ADGRG4: variants seen among roughly 807,000 people sequenced by gnomAD.
ADGRG4 encodes adhesion G protein-coupled receptor G4.
ADGRG4 carries 122 observed loss-of-function variants against 126.2 expected under a neutral mutation model. The observed-to-expected ratio is 0.97, with a 90% CI of 0.83 to 1.12. ADGRG4 has a LOEUF of 1.12. ADGRG4 is among the 50% of genes most tolerant of loss of function. The probability of loss-of-function intolerance (pLI) is 0.00; values close to 1 mark genes in which losing one functional copy is unlikely to be tolerated. For synonymous variants in ADGRG4, 943 were observed against 838.7 expected (o/e 1.12, Z -2.15); for missense variants, 2,481 against 2,251.8 (o/e 1.10, Z -2.06).
chrX:136,367,886 T>C (rs1036480472), intron 13 of ADGRG4, among the ~76,000 whole-genome samples: 10 of 112,561 alleles, frequency 8.9e-5, no homozygotes, highest in African/African-American at 3.2e-4. Context: ...AAGGTACTTT[T>C]ATTTCAAAGT....
At position 136,363,591 on chromosome X, in the gene ADGRG4, T is replaced by C. The variant is rs1294915870; in HGVS notation, c.7392T>C (p.Ser2464=). 3 of 1,086,379 alleles carry C rather than the reference T, an allele frequency of 2.8e-6. No homozygotes were observed. Among genetic ancestry groups the C allele is most frequent in the South Asian group, 1.8e-5 (1 of 54,191 alleles). 89.5% of individuals were successfully genotyped at this position (1,086,379 alleles called of 1,213,427 possible). A position where few individuals can be genotyped will look rare whatever the true frequency, so the allele number is the denominator to read the frequency against. ...TGGATCTTGCTAATATTACCATAAG[T>C]GATGGTAAGATTGTTTTGTACATAT... ...KIVDLANITI[S]DENAEDVAEH... The change falls in exon 13 of 26, where the codon AGT becomes AGC. Residue 2464 remains serine, a synonymous_variant. Coordinates refer to ENST00000394143, the MANE Select transcript of ADGRG4 (RefSeq NM_153834.4).
intron 18 of ADGRG4, 83 bp from the exon 19 acceptor site, chrX:136,395,307 C>T (rs1219344753): frequency 9.4e-6 from 5 of 529,509 alleles, no homozygotes; most frequent in Admixed American, 8.7e-5. Context: ...TTATAACACA[C>T]GTTTGGATAG....
At chrX:136,390,915 A>G (rs2075316156) in intron 16 of ADGRG4, among the ~76,000 whole-genome samples, 1 of 110,561 alleles carries the variant, frequency 9.0e-6, no homozygotes, top group African/African-American at 3.3e-5. Context: ...AAGGGGTAAT[A>G]GGGCTTAGGA....
chrX:136,385,372 T>TA (rs759300835), intron 15 of ADGRG4, among the ~76,000 whole-genome samples: 65 of 112,289 alleles, frequency 5.8e-4, no homozygotes, highest in Middle Eastern at 4.7e-3. Context: ...ATGTATCCCG[T>TA]AATATTATGT....
At chrX:136,334,078 T>TTCTC (rs1490460718) in intron 5 of ADGRG4, among the ~76,000 whole-genome samples, 5 of 2,565 alleles carry the variant, frequency 1.9e-3, no homozygotes, top group Non-Finnish European at 2.5e-3. Flanking sequence ...TTCTCTCTCT[T>TTCTC]TCTTTCTTTC....
At chrX:136,380,908 G>A (rs961335949) in intron 15 of ADGRG4, among the ~76,000 whole-genome samples, 1 of 108,228 alleles carries the variant, frequency 9.2e-6, no homozygotes, top group Non-Finnish European at 1.9e-5. Flanking sequence ...TGTAAAGACA[G>A]GGTCTTTCTT....
chrX:136,357,751 A>G lies in ADGRG4; in HGVS notation c.6975A>G (p.Pro2325=), dbSNP rs549431322. Residue 2325 remains proline (P), a synonymous_variant, in exon 10 of 26, where the codon CCA becomes CCG. Coordinates refer to ENST00000394143, the MANE Select transcript of ADGRG4 (RefSeq NM_153834.4). ...AAATGGCTACAATTTCCTATGTACCATACAGGTAGGAAGTAGGAACTGAGT... is the reference window on the plus strand; with the variant it reads ...AAATGGCTACAATTTCCTATGTACCGTACAGGTAGGAAGTAGGAACTGAGT... ...GQEMATISYV[P]YSCVCQVIIK... is the part of the protein sequence containing the mutation. The G allele has an allele frequency of 1.8e-5, 21 of 1,161,677 alleles. No homozygotes were observed. Among genetic ancestry groups the G allele is most frequent in the Middle Eastern group, 2.4e-4 (1 of 4,214 alleles).
chrX:136,331,205 C>T (rs1452057381), intron 5 of ADGRG4, among the ~76,000 whole-genome samples: 1 of 112,155 alleles, frequency 8.9e-6, no homozygotes, highest in African/African-American at 3.2e-5. Flanking sequence ...AATAGTACTC[C>T]GTTGTGTATA....
At chrX:136,315,446 A>T (rs1034149262) in intron 4 of ADGRG4, among the ~76,000 whole-genome samples, 2 of 111,261 alleles carry the variant, frequency 1.8e-5, no homozygotes, top group Non-Finnish European at 3.8e-5. Context: ...CACTTCCAAG[A>T]TAAGGCAGAC....
intron 5 of ADGRG4, among the ~76,000 whole-genome samples, chrX:136,341,822 T>C (rs952730231): frequency 1.8e-5 from 2 of 111,826 alleles, no homozygotes; most frequent in Admixed American, 9.5e-5. Flanking sequence ...CACCTCAAAA[T>C]TTCTGGATAT....
chrX:136,367,321 C>T (rs2075165245), intron 13 of ADGRG4, among the ~76,000 whole-genome samples: 1 of 112,195 alleles, frequency 8.9e-6, no homozygotes, highest in South Asian at 3.7e-4. Context: ...AAGCACAGTT[C>T]TGATTATTTC....
At chrX:136,396,611 AG>A (rs199971548) in intron 19 of ADGRG4, among the ~76,000 whole-genome samples, 36 of 98,172 alleles carry the variant, frequency 3.7e-4, no homozygotes, top group African/African-American at 1.4e-3. Flanking sequence ...AAAAAAAAAA[AG>A]AGAGAGAGAG....
chrX:136,404,820 T>A (rs1312877597), intron 22 of ADGRG4, among the ~76,000 whole-genome samples: 1 of 112,021 alleles, frequency 8.9e-6, no homozygotes. Context: ...AATGTTTTTT[T>A]AACATGTTTG....
intron 24 of ADGRG4, 71 bp downstream of exon 24, chrX:136,412,437 C>T (rs897111488): frequency 6.1e-6 from 4 of 658,378 alleles, no homozygotes; most frequent in African/African-American, 4.3e-5. Flanking sequence ...AATTTGTCTC[C>T]TAACTTGAGT....
chrX:136,397,224 A>G lies in ADGRG4; in HGVS notation c.8185-657A>G, dbSNP rs763049066. On this transcript the variant is annotated intron_variant, in intron 19 of 25. Coordinates refer to ENST00000394143, the MANE Select transcript of ADGRG4 (RefSeq NM_153834.4). ...CAAAAATGTCTCCAGATACTGCCAA[A>G]TGTCCCTGGGAGAGGGGTAACATCA... 4.5e-5 allele frequency among the ~76,000 whole-genome samples: 5 copies of G among 111,559 alleles called. No individual in the cohort carries two copies. The South Asian group carries it at 1.9e-3, about 42-fold the overall frequency.
intron 5 of ADGRG4, among the ~76,000 whole-genome samples, chrX:136,341,771 A>G (rs973017650): frequency 6.3e-5 from 7 of 111,876 alleles, no homozygotes; most frequent in African/African-American, 2.3e-4. Context: ...CATTCATTCT[A>G]CTTGCTAATG....
At chrX:136,383,946 C>T (rs946331065) in intron 15 of ADGRG4, among the ~76,000 whole-genome samples, 7 of 90,275 alleles carry the variant, frequency 7.8e-5, no homozygotes, top group Non-Finnish European at 1.4e-4. Flanking sequence ...GGTTGGAGTG[C>T]AGTGGCACAA....
At chrX:136,341,142 A>G (rs980805724) in intron 5 of ADGRG4, among the ~76,000 whole-genome samples, 2 of 111,909 alleles carry the variant, frequency 1.8e-5, no homozygotes, top group African/African-American at 6.5e-5. Context: ...GTTAATAACA[A>G]TTGCTACATC....
chrX:136,302,711 G>T (rs1416495803), intron 1 of ADGRG4, among the ~76,000 whole-genome samples: 1 of 111,830 alleles, frequency 8.9e-6, no homozygotes, highest in Admixed American at 9.5e-5. Context: ...CGGACTATAT[G>T]AATACTGTTA....
Sources: allele counts gnomAD v4.1 joint callset (sites outside exome capture counted in the v4.1 genomes callset), GRCh38; gene constraint gnomAD v4.1.1; transcripts MANE v1.5; gene names NCBI Gene and HGNC (gene_info 2026-07-23, HGNC 2026-07-21).